Variants in TUBGCP3 observed in about 807,000 individuals in gnomAD.
TUBGCP3 encodes tubulin gamma complex component 3, also known as gamma-tubulin complex component 3.
In TUBGCP3, 50 loss-of-function variants were observed where a neutral mutation model predicts 123.1. The ratio of observed to expected loss-of-function variants is 0.41; its 90% CI spans 0.32 to 0.51. TUBGCP3 has a LOEUF of 0.51. Among genes scored for constraint, TUBGCP3 ranks in the 20% least tolerant of loss-of-function variants. The pLI, the probability that TUBGCP3 is intolerant of heterozygous loss-of-function variation, is 0.36. For missense variants in TUBGCP3, 882 were observed against 1,127.0 expected (o/e 0.78, Z 3.11); for synonymous variants, 405 against 413.9 (o/e 0.98, Z 0.26).
At chr13:112,546,025 G>T in intron 10 of TUBGCP3, 160 bp from the exon 11 acceptor site, 1 of 701,172 alleles carries the variant, frequency 1.4e-6, no homozygotes, top group Non-Finnish European at 2.3e-6. Context: ...GCAGTAACAT[G>T]TCATGATTCA....
chr13:112,485,770 G>A lies in TUBGCP3; in HGVS notation c.*223C>T. The A allele has an allele frequency of 1.7e-6, 1 of 573,858 alleles. No individual in the cohort carries two copies. The highest frequency in any genetic ancestry group is 3.1e-6 in the Non-Finnish European group (1 of 326,458). 35.5% of individuals were successfully genotyped at this position (573,858 alleles called of 1,614,324 possible). On this transcript the variant is annotated 3_prime_UTR_variant, in exon 22 of 22. Transcript: ENST00000261965. ...AGACTTTTAGAGACAAATGTGAACA[G>A]TGCAGCCAGCCTACTTGACTTAGGG...
chr13:112,531,319 C>G (rs952065452), intron 11 of TUBGCP3, among the ~76,000 whole-genome samples: 2 of 152,190 alleles, frequency 1.3e-5, no homozygotes, highest in African/African-American at 4.8e-5. Context: ...ATTCACTGAT[C>G]TATTTTAGCC....
chr13:112,514,533 T>C (rs1875914893), intron 17 of TUBGCP3, among the ~76,000 whole-genome samples: 1 of 152,118 alleles, frequency 6.6e-6, no homozygotes, highest in South Asian at 2.1e-4. Flanking sequence ...AAGCATAACA[T>C]TTAAAAAGCA....
chr13:112,508,052 C>A lies in TUBGCP3; in HGVS notation c.2087-3338G>T, dbSNP rs1215934973. Among the ~76,000 whole-genome samples the A allele has an allele frequency of 6.6e-6, 1 of 152,174 alleles. No homozygotes were observed. The highest frequency in any genetic ancestry group is 1.5e-5 in the Non-Finnish European group (1 of 68,014). Reference sequence around the variant, plus strand: ...TAAACTCCTGACATCCCACTCCAGCCCATCCCAGTGCTGCCTGGGGCCTTC... The same window carrying A: ...TAAACTCCTGACATCCCACTCCAGCACATCCCAGTGCTGCCTGGGGCCTTC... On this transcript the variant is annotated intron_variant, in intron 17 of 21. Coordinates refer to ENST00000261965, the MANE Select transcript of TUBGCP3 (RefSeq NM_006322.6). The surrounding 1 kb of genome is among the most constrained non-coding windows in gnomAD (Gnocchi z 4.2).
In TUBGCP3 at chr13:112,558,252, G is replaced by C. The variant is rs763991224; in HGVS notation, c.492C>G (p.Ser164Arg). The C allele has an allele frequency of 6.2e-7, 1 of 1,612,678 alleles. No individual in the cohort carries two copies. Among genetic ancestry groups the C allele is most frequent in the Non-Finnish European group, 8.5e-7 (1 of 1,180,038 alleles). Residue 164 changes from serine to arginine, a missense_variant, in exon 5 of 22, where the codon AGC becomes AGG. Ser to Arg is a moderately radical substitution (Grantham distance 110, BLOSUM62 -1). Transcript: ENST00000261965. ...GGCCACTGAGGGCACACAGGCCAATGCTGCTGATGCCACTGCTGCCCACGC... is the reference window on the plus strand; with the variant it reads ...GGCCACTGAGGGCACACAGGCCAATCCTGCTGATGCCACTGCTGCCCACGC... ...SGSVGSSGISSIGLCALSGPA... is the reference protein window; with the variant it reads ...SGSVGSSGISRIGLCALSGPA...
intron 19 of TUBGCP3, among the ~76,000 whole-genome samples, chr13:112,502,542 CTTTTTTTTTTTT>C (rs10710530): frequency 1.7e-5 from 2 of 114,368 alleles, no homozygotes; most frequent in Non-Finnish European, 3.5e-5. Context: ...TACATTTCTT[CTTTTTTTTTTTT>C]TTTTTTTTTG....
chr13:112,555,068 A>T, intron 6 of TUBGCP3, 63 bp from the exon 7 acceptor site: 1 of 1,041,490 alleles, frequency 9.6e-7, no homozygotes, highest in South Asian at 1.5e-5. Context: ...AATAGATATT[A>T]TGGTGCAATT....
At chr13:112,493,180 G>A (rs1431602066) in intron 20 of TUBGCP3, among the ~76,000 whole-genome samples, 6 of 142,964 alleles carry the variant, frequency 4.2e-5, no homozygotes, top group Admixed American at 2.8e-4. Flanking sequence ...ACGGGGCCTG[G>A]TGTCCCTGAG....
At chr13:112,507,751 G>A (rs1881400907) in intron 17 of TUBGCP3, among the ~76,000 whole-genome samples, 1 of 152,142 alleles carries the variant, frequency 6.6e-6, no homozygotes, top group Non-Finnish European at 1.5e-5. Flanking sequence ...ATATGCTTTT[G>A]CTAACGTCTT....
intron 8 of TUBGCP3, among the ~76,000 whole-genome samples, chr13:112,549,423 T>C (rs1317574398): frequency 1.3e-5 from 2 of 152,096 alleles, no homozygotes; most frequent in Admixed American, 6.5e-5. Flanking sequence ...ACACGGCACA[T>C]GTATACATAT....
intron 3 of TUBGCP3, 137 bp from the exon 4 acceptor site, chr13:112,559,536 T>C (rs1295701670): frequency 2.7e-6 from 2 of 728,400 alleles, no homozygotes; most frequent in Non-Finnish European, 4.1e-6. Context: ...TAACAATTCA[T>C]AAGTATTTTC....
At chr13:112,592,864 T>C (rs1882905991), upstream of TUBGCP3, among the ~76,000 whole-genome samples, 1 of 152,170 alleles carries the variant, frequency 6.6e-6, no homozygotes, top group Non-Finnish European at 1.5e-5. The surrounding 1 kb of genome is among the most constrained non-coding windows in gnomAD (Gnocchi z 4.1). Context: ...TCATCACCCG[T>C]GGTCAGACCT....
chr13:112,555,950 T>C, intron 6 of TUBGCP3, 102 bp downstream of exon 6: 1 of 1,316,292 alleles, frequency 7.6e-7, no homozygotes, highest in East Asian at 2.4e-5. Flanking sequence ...AAGAAACCAC[T>C]AAAAGGTTTG....
In TUBGCP3 at chr13:112,526,660, C is replaced by T. The variant is rs111205992; in HGVS notation, c.1555+282G>A. Among the ~76,000 whole-genome samples, 715 of 151,362 alleles carry T rather than the reference C, an allele frequency of 4.7e-3. 7 individuals carry two copies. The highest frequency in any genetic ancestry group is 0.016 in the African/African-American group (651 of 41,262). ...CCATCATCACATCCCCATCATCCAT[C>T]CCCAACATCATCACATCACCATCAT... is the stretch of plus-strand genomic sequence containing the variant. On this transcript the variant is annotated intron_variant, in intron 13 of 21. Coordinates refer to ENST00000261965, the MANE Select transcript of TUBGCP3 (RefSeq NM_006322.6).
intron 19 of TUBGCP3, among the ~76,000 whole-genome samples, chr13:112,499,960 G>A (rs1411628447): frequency 6.6e-6 from 1 of 152,116 alleles, no homozygotes; most frequent in Admixed American, 6.6e-5. Context: ...AGGCCATAGA[G>A]CAAATACATT....
chr13:112,535,251 T>C (rs1343655310), intron 11 of TUBGCP3, among the ~76,000 whole-genome samples: 3 of 152,266 alleles, frequency 2.0e-5, no homozygotes, highest in Non-Finnish European at 4.4e-5. Context: ...GCTATGAATG[T>C]TCATAGACAA....
chr13:112,514,671 G>A (rs7986626), intron 17 of TUBGCP3, among the ~76,000 whole-genome samples: 78,076 of 152,104 alleles, frequency 0.51, 23,162 homozygotes, highest in African/African-American at 0.83. Flanking sequence ...TGAGATATGA[G>A]CTAAATTGGT....
At chr13:112,603,059 A>G in the TUBGCP3 span, 2 of 152,238 alleles carry the variant, frequency 1.3e-5, no homozygotes, top group Non-Finnish European at 2.9e-5. Flanking sequence ...TGGCTCTACT[A>G]CTGACGAGAA....
chr13:112,523,733 C>T (rs985083240), intron 13 of TUBGCP3, among the ~76,000 whole-genome samples: 2 of 152,162 alleles, frequency 1.3e-5, no homozygotes, highest in African/African-American at 4.8e-5. Context: ...GACACAGAAC[C>T]CAGAGCCTCC....
Sources: gnomAD v4.1 joint callset for allele counts (sites outside exome capture counted in the v4.1 genomes callset) on GRCh38, gnomAD v4.1.1 for gene constraint, Gnocchi (gnomAD v3.1) non-coding constraint, MANE v1.5 for transcripts, NCBI Gene and HGNC (gene_info 2026-07-23, HGNC 2026-07-21) for gene names.